Variants in LRRC4C observed in about 807,000 individuals in gnomAD.
LRRC4C encodes leucine rich repeat containing 4C, also known as leucine-rich repeat-containing protein 4C.
In LRRC4C, 5 loss-of-function variants were observed where a neutral mutation model predicts 33.6. That is an observed-to-expected ratio of 0.15 (90% CI 0.08 to 0.31). The LOEUF (loss-of-function observed/expected upper bound fraction) is 0.31. Among genes scored for constraint, LRRC4C ranks in the 10% least tolerant of loss-of-function variants. LRRC4C has a pLI of 1.00. For missense variants in LRRC4C, 560 were observed against 796.7 expected (o/e 0.70, Z 3.58); for synonymous variants, 329 against 302.0 (o/e 1.09, Z -0.93).
At chr11:40,721,898 G>A (rs1281071895) in intron 2 of LRRC4C, among the ~76,000 whole-genome samples, 1 of 152,136 alleles carries the variant, frequency 6.6e-6, no homozygotes, top group Admixed American at 6.5e-5. Context: ...CCAAGATCGC[G>A]CCACTGCACT....
chr11:40,270,345 G>A (rs549086617), intron 4 of LRRC4C, among the ~76,000 whole-genome samples: 5 of 152,016 alleles, frequency 3.3e-5, no homozygotes, highest in South Asian at 4.1e-4. Context: ...GCTTGAAAAT[G>A]TCCACATTCT....
intron 1 of LRRC4C, among the ~76,000 whole-genome samples, chr11:41,118,346 C>T (rs1047748018): frequency 2.8e-4 from 42 of 152,174 alleles, no homozygotes; most frequent in African/African-American, 9.9e-4. Context: ...ATCCAACATA[C>T]TGCAGATTGA....
At chr11:41,339,681 C>A (rs1315389401) in intron 1 of LRRC4C, among the ~76,000 whole-genome samples, 10 of 152,130 alleles carry the variant, frequency 6.6e-5, no homozygotes. Flanking sequence ...ATTTTTTAAG[C>A]AATACATGTT....
rs141730174 is a variant in LRRC4C at position 41,282,590 on chromosome 11, G to A, written c.-496+176841C>T. Among the ~76,000 whole-genome samples, 1,028 of 152,256 alleles carry A rather than the reference G, an allele frequency of 6.8e-3. 12 individuals carry two copies. The highest frequency in any genetic ancestry group is 8.6e-3 in the Non-Finnish European group (586 of 68,026). ...CAGTCCTCCTCCTAACAGGCATATG[G>A]AAACTAACTTTGGGATGTCTGCCCG... is the stretch of plus-strand genomic sequence containing the variant. On this transcript the variant is annotated intron_variant, in intron 1 of 6. Coordinates refer to ENST00000528697, the MANE Select transcript of LRRC4C (RefSeq NM_001258419.2).
intron 1 of LRRC4C, among the ~76,000 whole-genome samples, chr11:41,344,868 A>C (rs1951754716): frequency 6.6e-6 from 1 of 152,220 alleles, no homozygotes; most frequent in Admixed American, 6.5e-5. Flanking sequence ...TTTGGAAACC[A>C]AGAGCAAGTG....
chr11:40,165,820 T>G (rs567587206), intron 5 of LRRC4C, among the ~76,000 whole-genome samples: 64 of 151,960 alleles, frequency 4.2e-4, no homozygotes, highest in Non-Finnish European at 6.8e-4. Context: ...TGGTGCATGC[T>G]TGTAATCCCA....
intron 2 of LRRC4C, among the ~76,000 whole-genome samples, chr11:40,779,905 A>G (rs1181660522): frequency 6.6e-6 from 1 of 152,198 alleles, no homozygotes; most frequent in African/African-American, 2.4e-5. Context: ...AGAATAAGAT[A>G]TAAATGGTTG....
At position 40,116,882 on chromosome 11, in the gene LRRC4C, A is replaced by G. The variant is rs80013305; in HGVS notation, c.-42-548T>C. 2.1e-3 allele frequency among the ~76,000 whole-genome samples: 314 copies of G among 152,338 alleles called. 8 individuals carry two copies. The East Asian group carries it at 0.029, about 14-fold the overall frequency. The stretch of plus-strand genomic sequence containing the variant: ...TAAAAATGTAGGAAGCCTTATAAAA[A>G]AAGTGTTAATAATATCAAATCAGTA... On this transcript the variant is annotated intron_variant, in intron 6 of 6. Transcript: ENST00000528697.
At chr11:41,093,927 CAAAAAAA>C (rs56173087) in intron 1 of LRRC4C, among the ~76,000 whole-genome samples, 205 of 59,008 alleles carry the variant, frequency 3.5e-3, no homozygotes, top group African/African-American at 0.013. Flanking sequence ...CCGTCTCCAC[CAAAAAAA>C]AAAAAAAAAA....
chr11:41,209,202 A>G (rs1017513376), intron 1 of LRRC4C, among the ~76,000 whole-genome samples: 6 of 150,448 alleles, frequency 4.0e-5, no homozygotes, highest in Non-Finnish European at 1.5e-5. Flanking sequence ...CCTAAAATAA[A>G]AGTTAAAATA....
chr11:40,626,409 C>T (rs1373457110), intron 3 of LRRC4C, among the ~76,000 whole-genome samples: 3 of 152,148 alleles, frequency 2.0e-5, no homozygotes, highest in Non-Finnish European at 4.4e-5. Flanking sequence ...ATATATATTG[C>T]TGTCTCCACC....
At chr11:41,150,418 C>T (rs1943937320) in intron 1 of LRRC4C, among the ~76,000 whole-genome samples, 1 of 152,182 alleles carries the variant, frequency 6.6e-6, no homozygotes, top group African/African-American at 2.4e-5. Context: ...GACTTATCTT[C>T]AAATTTAATC....
chr11:40,809,832 T>C (rs1951413365), intron 2 of LRRC4C, among the ~76,000 whole-genome samples: 1 of 152,158 alleles, frequency 6.6e-6, no homozygotes, highest in African/African-American at 2.4e-5. Context: ...CTTATACTAT[T>C]CTCCCTGAAA....
At chr11:40,917,093 A>G (rs1262597125) in intron 2 of LRRC4C, among the ~76,000 whole-genome samples, 1 of 152,158 alleles carries the variant, frequency 6.6e-6, no homozygotes. Flanking sequence ...GATGTTTCCC[A>G]GGAGTGTTAA....
In LRRC4C at chr11:40,697,186, C is replaced by T. The variant is rs77786217; in HGVS notation, c.-406-48908G>A. Among the ~76,000 whole-genome samples, 462 of 152,128 alleles carry T rather than the reference C, an allele frequency of 3.0e-3. 3 individuals carry two copies. The highest frequency in any genetic ancestry group is 5.0e-3 in the Non-Finnish European group (342 of 68,002). On this transcript the variant is annotated intron_variant, in intron 2 of 6. Coordinates refer to ENST00000528697, the MANE Select transcript of LRRC4C (RefSeq NM_001258419.2). Reference sequence around the variant, plus strand: ...ATACATTTTTGTTCATGGGGTCCTTCGTTCCTTTATTCAATGAAGATATGT... The same window carrying T: ...ATACATTTTTGTTCATGGGGTCCTTTGTTCCTTTATTCAATGAAGATATGT...
At chr11:40,999,343 T>A (rs996552529) in intron 1 of LRRC4C, among the ~76,000 whole-genome samples, 1 of 152,140 alleles carries the variant, frequency 6.6e-6, no homozygotes, top group African/African-American at 2.4e-5. Context: ...GTATCCACAT[T>A]TTAAAAAAAT....
At chr11:41,072,692 G>A (rs778565988) in intron 1 of LRRC4C, among the ~76,000 whole-genome samples, 1 of 152,038 alleles carries the variant, frequency 6.6e-6, no homozygotes, top group Non-Finnish European at 1.5e-5. Context: ...TATGAGAAAC[G>A]ACTAATACAC....
chr11:41,138,773 C>G (rs1012540165), intron 1 of LRRC4C, among the ~76,000 whole-genome samples: 3 of 152,094 alleles, frequency 2.0e-5, no homozygotes, highest in African/African-American at 7.2e-5. Flanking sequence ...CCACTGGGCT[C>G]TAAACACCAG....
intron 1 of LRRC4C, among the ~76,000 whole-genome samples, chr11:41,308,304 A>AT (rs141955388): frequency 0.13 from 19,303 of 151,490 alleles, 1,348 homozygotes; most frequent in Middle Eastern, 0.24. Flanking sequence ...CTGGTGAAAG[A>AT]TTTTTTTTTG....
Sources: allele counts gnomAD v4.1 joint callset (sites outside exome capture counted in the v4.1 genomes callset), GRCh38; gene constraint gnomAD v4.1.1; transcripts MANE v1.5; gene names NCBI Gene and HGNC (gene_info 2026-07-23, HGNC 2026-07-21).